Variants in LHFPL4 observed in about 807,000 individuals in gnomAD.
LHFPL4 encodes LHFPL tetraspan subfamily member 4 protein.
In LHFPL4, 6 loss-of-function variants were observed where a neutral mutation model predicts 20.0. The observed-to-expected ratio is 0.30, with a 90% CI of 0.16 to 0.59. The LOEUF is 0.59. LHFPL4 is among the 20% of genes least tolerant of loss of function. LHFPL4 has a pLI of 0.88. For synonymous variants in LHFPL4, 129 were observed against 143.8 expected, an observed-to-expected ratio of 0.90 and a Z score of 0.74; for missense variants, 215 against 331.2, an observed-to-expected ratio of 0.65 and a Z score of 2.72.
At chr3:9,542,539 G>A (rs1171259627) in intron 2 of LHFPL4, among the ~76,000 whole-genome samples, 1 of 152,028 alleles carries the variant, frequency 6.6e-6, no homozygotes, top group Non-Finnish European at 1.5e-5. Context: ...TGACATGGTG[G>A]CTCACACCTG....
chr3:9,531,414 T>C (rs923957129), intron 2 of LHFPL4, among the ~76,000 whole-genome samples: 1 of 152,130 alleles, frequency 6.6e-6, no homozygotes, highest in African/African-American at 2.4e-5. Flanking sequence ...TCTATAAGCA[T>C]GTCTGGAAGG....
At chr3:9,510,190 C>T (rs1302877918) in intron 2 of LHFPL4, among the ~76,000 whole-genome samples, 1 of 152,158 alleles carries the variant, frequency 6.6e-6, no homozygotes, top group Non-Finnish European at 1.5e-5. Flanking sequence ...GTGGCTCATG[C>T]CTGTAGTCCC....
chr3:9,515,353 T>C (rs1387019398), intron 2 of LHFPL4, among the ~76,000 whole-genome samples: 1 of 152,220 alleles, frequency 6.6e-6, no homozygotes, highest in Non-Finnish European at 1.5e-5. Context: ...GTTTCTTTTC[T>C]TATTTTTGAG....
intron 2 of LHFPL4, among the ~76,000 whole-genome samples, chr3:9,543,905 T>C (rs1470838789): frequency 3.3e-5 from 5 of 151,844 alleles, no homozygotes; most frequent in African/African-American, 4.8e-5. Context: ...CTAGTTTTTG[T>C]AGAGATGGGG....
chr3:9,505,838 C>A, intron 3 of LHFPL4, 129 bp downstream of exon 3: 1 of 880,544 alleles, frequency 1.1e-6, no homozygotes, highest in Non-Finnish European at 1.8e-6. Flanking sequence ...GGATTATAGG[C>A]GTGAGCCACC....
rs1559515908 is a variant in LHFPL4, at chr3:9,512,945, T to TTTG, written c.407-6743_407-6742insCAA. Reference sequence around the variant, plus strand: ...TGGACTGCCTCACTCTAGGACATTTTTTTGTTTGTTTGTTTGTTTGTTTGT... The same window carrying TTTG: ...TGGACTGCCTCACTCTAGGACATTTTTTGTTTGTTTGTTTGTTTGTTTGTTTGT... On this transcript the variant is annotated intron_variant, in intron 2 of 3. Transcript: ENST00000287585. 3.9e-5 allele frequency among the ~76,000 whole-genome samples: 6 copies of TTTG among 151,978 alleles called. No individual in the cohort carries two copies. In the East Asian group the frequency reaches 1.2e-3, roughly 29 times the overall value.
intron 2 of LHFPL4, 133 bp downstream of exon 2, chr3:9,552,141 C>T: frequency 8.6e-7 from 1 of 1,163,406 alleles, no homozygotes; most frequent in East Asian, 2.6e-5. Context: ...CACTGAGGGT[C>T]CGTCAGCCAA....
chr3:9,514,742 G>A (rs929122207), intron 2 of LHFPL4, among the ~76,000 whole-genome samples: 1 of 152,206 alleles, frequency 6.6e-6, no homozygotes, highest in Admixed American at 6.5e-5. Flanking sequence ...AGAATGTCAT[G>A]TAATTGTAAT....
intron 2 of LHFPL4, among the ~76,000 whole-genome samples, chr3:9,536,174 A>G (rs1284884791): frequency 6.6e-6 from 1 of 152,144 alleles, no homozygotes; most frequent in South Asian, 2.1e-4. Context: ...TCACAGGGAG[A>G]TCCCCCAGGA....
chr3:9,502,864 T>TAATTCCG (rs1431486178), intron 3 of LHFPL4, among the ~76,000 whole-genome samples: 4 of 152,110 alleles, frequency 2.6e-5, no homozygotes, highest in Non-Finnish European at 5.9e-5. Flanking sequence ...CCTCACAGGG[T>TAATTCCG]AATTCCGAAG....
chr3:9,545,086 T>A (rs937056035), intron 2 of LHFPL4, among the ~76,000 whole-genome samples: 3 of 151,446 alleles, frequency 2.0e-5, no homozygotes. Context: ...CAGTAAAGGG[T>A]TGATGTGAGA....
chr3:9,502,235 G>C lies in LHFPL4; in HGVS notation c.720C>G (p.Pro240=), dbSNP rs367990615. 6.2e-7 allele frequency: 1 copy of C among 1,613,796 alleles called. No individual in the cohort carries two copies. Among genetic ancestry groups the C allele is most frequent in the African/African-American group, 1.3e-5 (1 of 74,914 alleles). The change falls in exon 4 of 4, where the codon CCC becomes CCG. Residue 240 remains proline, a synonymous_variant. Transcript: ENST00000287585. ...TTCAGGGTCCCTGTGAGTGAGCCACGGGGCAGGGAAGGACTCCCCATCCAG... is the reference window on the plus strand; with the variant it reads ...TTCAGGGTCCCTGTGAGTGAGCCACCGGGCAGGGAAGGACTCCCCATCCAG... ...DVSGWGVLPC[P]VAHSQGP is the part of the protein sequence containing the mutation.
chr3:9,549,004 T>C (rs2648595), intron 2 of LHFPL4, among the ~76,000 whole-genome samples: 23,330 of 152,170 alleles, frequency 0.15, 2,708 homozygotes, highest in East Asian at 0.39. Context: ...AGAGACAGAT[T>C]CTTCATGGCG....
intron 2 of LHFPL4, among the ~76,000 whole-genome samples, chr3:9,526,865 G>T (rs570091649): frequency 6.6e-6 from 1 of 152,254 alleles, no homozygotes; most frequent in East Asian, 1.9e-4. Context: ...GAGTCTGCAG[G>T]GGGCATGAGG....
chr3:9,516,857 T>C (rs932236901), intron 2 of LHFPL4, among the ~76,000 whole-genome samples: 5 of 148,730 alleles, frequency 3.4e-5, no homozygotes, highest in Non-Finnish European at 7.4e-5. Context: ...TTGGCTTACT[T>C]CCACCTCCAC....
At chr3:9,551,654 A>T (rs1316336286) in intron 2 of LHFPL4, among the ~76,000 whole-genome samples, 8 of 152,204 alleles carry the variant, frequency 5.3e-5, no homozygotes, top group Non-Finnish European at 8.8e-5. Context: ...CCTGCCCTCC[A>T]GAGACCCATA....
At chr3:9,509,348 C>G (rs1444093790) in intron 2 of LHFPL4, among the ~76,000 whole-genome samples, 1 of 150,834 alleles carries the variant, frequency 6.6e-6, no homozygotes, top group Non-Finnish European at 1.5e-5. Flanking sequence ...ACTTAACATT[C>G]ATTCAACTCC....
At chr3:9,529,221 G>C (rs1024792484) in intron 2 of LHFPL4, among the ~76,000 whole-genome samples, 1 of 151,848 alleles carries the variant, frequency 6.6e-6, no homozygotes, top group South Asian at 2.1e-4. Flanking sequence ...TAGAGACGGG[G>C]TTTCACCATG....
chr3:9,522,241 G>A (rs1483730), intron 2 of LHFPL4, among the ~76,000 whole-genome samples: 71,433 of 151,132 alleles, frequency 0.47, 17,358 homozygotes, highest in South Asian at 0.57. Context: ...TGATCTGCCC[G>A]CCTTGGCCTC....
Sources: allele counts gnomAD v4.1 joint callset (sites outside exome capture counted in the v4.1 genomes callset), GRCh38; gene constraint gnomAD v4.1.1; transcripts MANE v1.5; gene names NCBI Gene and HGNC (gene_info 2026-07-23, HGNC 2026-07-21).